Variants in FRYL observed in about 807,000 individuals in gnomAD.
The protein encoded by FRYL is protein furry homolog-like.
A neutral mutation model predicts 351.2 loss-of-function variants in FRYL; 150 were observed. The observed-to-expected ratio is 0.43, with a 90% CI of 0.37 to 0.49. The LOEUF is 0.49. Ranked by LOEUF, FRYL falls within the 20% of genes least tolerant of loss-of-function variation. FRYL has a pLI of 0.00. For missense variants in FRYL, 3,036 were observed against 3,619.3 expected, an observed-to-expected ratio of 0.84 and a Z score of 4.13; for synonymous variants, 1,153 against 1,257.1, an observed-to-expected ratio of 0.92 and a Z score of 1.75.
chr4:48,619,092 G>C, intron 7 of FRYL, 182 bp downstream of exon 7: 1 of 463,928 alleles, frequency 2.2e-6, no homozygotes, highest in Non-Finnish European at 3.8e-6. Context: ...AAAAATAGAG[G>C]AGATAACAGA....
Position 48,514,676 on chromosome 4 carries a change from T to C in FRYL, c.7937+352A>G, listed in dbSNP as rs145727154. 3.2e-4 allele frequency among the ~76,000 whole-genome samples: 49 copies of C among 152,376 alleles called. 1 individual carries two copies. In the East Asian group the frequency reaches 8.5e-3, roughly 26 times the overall value. On this transcript the variant is annotated intron_variant, in intron 56 of 63. Transcript: ENST00000358350. ...TATATTTTAGATTCAAATTGTGGTA[T>C]CACGGAAGTTCATTCCAATATTGAT...
At chr4:48,670,990 G>A (rs1455199298) in intron 3 of FRYL, among the ~76,000 whole-genome samples, 3 of 152,030 alleles carry the variant, frequency 2.0e-5, no homozygotes, top group Non-Finnish European at 4.4e-5. Context: ...ATCCTATATA[G>A]TCACTCTATT....
At chr4:48,654,450 T>C (rs546779439) in intron 3 of FRYL, among the ~76,000 whole-genome samples, 9 of 152,234 alleles carry the variant, frequency 5.9e-5, no homozygotes, top group African/African-American at 2.2e-4. Context: ...AGCATGTTTG[T>C]GATGATGCAG....
At chr4:48,620,031 C>G (rs1445255685) in intron 6 of FRYL, among the ~76,000 whole-genome samples, 1 of 152,136 alleles carries the variant, frequency 6.6e-6, no homozygotes, top group Admixed American at 6.5e-5. Context: ...ATTAACTTTT[C>G]AACATGAAAA....
intron 40 of FRYL, 60 bp from the exon 41 acceptor site, chr4:48,547,829 C>G: frequency 7.1e-6 from 8 of 1,122,986 alleles, no homozygotes; most frequent in Non-Finnish European, 9.7e-6. Flanking sequence ...TTCTTACTAC[C>G]AAACTCACAT....
chr4:48,584,676 T>C (rs537824517), intron 19 of FRYL, among the ~76,000 whole-genome samples: 1 of 152,248 alleles, frequency 6.6e-6, no homozygotes, highest in East Asian at 1.9e-4. Flanking sequence ...ATACAGGGTA[T>C]ACATGTGTGA....
intron 41 of FRYL, 159 bp from the exon 42 acceptor site, chr4:48,546,430 C>T (rs1407677130): frequency 6.5e-6 from 4 of 617,762 alleles, no homozygotes; most frequent in Non-Finnish European, 8.6e-6. Context: ...CTCATGAACA[C>T]CAAATTACAG....
At chr4:48,535,174 T>G (rs915060666) in intron 48 of FRYL, among the ~76,000 whole-genome samples, 3 of 152,144 alleles carry the variant, frequency 2.0e-5, no homozygotes, top group African/African-American at 7.2e-5. Context: ...ACTAAAAACT[T>G]TTCCAGAAGA....
At chr4:48,745,198 C>T (rs186333473) in intron 1 of FRYL, among the ~76,000 whole-genome samples, 12 of 152,210 alleles carry the variant, frequency 7.9e-5, no homozygotes, top group Non-Finnish European at 1.2e-4. Context: ...AGTGTGGCGA[C>T]TCCTCAAGGA....
At chr4:48,610,733 CAT>C (rs1307299371) in intron 7 of FRYL, among the ~76,000 whole-genome samples, 2 of 142,156 alleles carry the variant, frequency 1.4e-5, no homozygotes, top group Admixed American at 1.4e-4. Context: ...ATATTATATA[CAT>C]GTATTATATA....
Position 48,595,877 on chromosome 4 carries a change from T to C in FRYL, c.1139+20A>G. On this transcript the variant is annotated intron_variant, in intron 14 of 63. Coordinates refer to ENST00000358350, the MANE Select transcript of FRYL (RefSeq NM_015030.2). ...AAACAAGAATTTATTTTTAATGCAC[T>C]TTAAAGCAAAGATACTCACCTTTGA... The C allele has an allele frequency of 6.8e-7, 1 of 1,478,766 alleles. No individual in the cohort carries two copies. 91.6% of individuals were successfully genotyped at this position (1,478,766 alleles called of 1,614,324 possible). A position where few individuals can be genotyped will look rare whatever the true frequency, so the allele number is the denominator to read the frequency against.
Position 48,727,856 on chromosome 4 carries a change from C to G in FRYL, c.-383-17158G>C, listed in dbSNP as rs78358494. Among the ~76,000 whole-genome samples, 513 of 152,238 alleles carry G rather than the reference C, an allele frequency of 3.4e-3. 21 individuals carry two copies. The East Asian group carries it at 0.086, about 26-fold the overall frequency. ...AATACCTAACTCTAGGCAGTTCTAGCCTTCCATGTGGCAGACAGGAAATAC... is the reference window on the plus strand; with the variant it reads ...AATACCTAACTCTAGGCAGTTCTAGGCTTCCATGTGGCAGACAGGAAATAC... On this transcript the variant is annotated intron_variant, in intron 1 of 63. Coordinates refer to ENST00000358350, the MANE Select transcript of FRYL (RefSeq NM_015030.2).
At chr4:48,527,362 G>T in intron 53 of FRYL, 115 bp downstream of exon 53, 1 of 659,692 alleles carries the variant, frequency 1.5e-6, no homozygotes, top group Non-Finnish European at 2.3e-6. Flanking sequence ...TCCTAATTTA[G>T]ATTTTTACCT....
chr4:48,511,583 G>A (rs1211045956), intron 57 of FRYL, among the ~76,000 whole-genome samples: 1 of 152,116 alleles, frequency 6.6e-6, no homozygotes, highest in African/African-American at 2.4e-5. Context: ...GCACTGTTAG[G>A]TGGCATTATG....
At chr4:48,578,600 C>T (rs912616351) in intron 23 of FRYL, among the ~76,000 whole-genome samples, 1 of 152,148 alleles carries the variant, frequency 6.6e-6, no homozygotes, top group African/African-American at 2.4e-5. Flanking sequence ...AAAAGTAAGG[C>T]CACTGAGCTG....
At position 48,733,167 on chromosome 4, in the gene FRYL, C is replaced by T. The variant is rs145459224; in HGVS notation, c.-383-22469G>A. ...GTAGGCGCCTGTAATCCCAGCCACT[C>T]GGGAGGCTGAGGAAGAAGAATTGCT... On this transcript the variant is annotated intron_variant, in intron 1 of 63. Coordinates refer to ENST00000358350, the MANE Select transcript of FRYL (RefSeq NM_015030.2). Among the ~76,000 whole-genome samples, 658 of 151,540 alleles carry T rather than the reference C, an allele frequency of 4.3e-3. 8 individuals carry two copies. Among genetic ancestry groups the T allele is most frequent in the African/African-American group, 0.014 (592 of 41,340 alleles).
intron 7 of FRYL, among the ~76,000 whole-genome samples, chr4:48,615,323 A>G (rs1006361751): frequency 3.9e-5 from 6 of 152,208 alleles, no homozygotes; most frequent in Non-Finnish European, 5.9e-5. Context: ...AAATGCTATT[A>G]AGTCTGAAAA....
intron 35 of FRYL, among the ~76,000 whole-genome samples, chr4:48,554,472 G>A (rs1733631958): frequency 6.6e-6 from 1 of 152,100 alleles, no homozygotes; most frequent in Admixed American, 6.5e-5. Context: ...CCGAGTAGGT[G>A]GGATTACAGG....
In FRYL at chr4:48,528,190, C is replaced by T; in HGVS notation, c.7050G>A (p.Arg2350=). Residue 2350 remains arginine (R), a synonymous_variant, in exon 51 of 64, where the codon AGG becomes AGA. Transcript: ENST00000358350. ...SNALVPVSWK[R]PQLSQRRTRE... ...CTTTATGTACCTGTGATAACTGTGG[C>T]CTTTTCCAACTAACAGGAACCAAGG... 1 of 1,612,892 alleles carries T rather than the reference C, an allele frequency of 6.2e-7. No individual in the cohort carries two copies.
Sources: gnomAD v4.1 joint callset for allele counts (sites outside exome capture counted in the v4.1 genomes callset) on GRCh38, gnomAD v4.1.1 for gene constraint, MANE v1.5 for transcripts, NCBI Gene and HGNC (gene_info 2026-07-23, HGNC 2026-07-21) for gene names.